NANOS3: variants seen among roughly 807,000 people sequenced by gnomAD.
The protein encoded by NANOS3 is nanos homolog 3.
Under a neutral mutation model 13.8 loss-of-function variants are expected in NANOS3, and 11 were observed. The observed-to-expected ratio is 0.80, with a 90% confidence interval of 0.50 to 1.32. NANOS3 has a LOEUF of 1.32. Among genes scored for constraint, NANOS3 ranks in the 40% most tolerant of loss-of-function variants. NANOS3 has a pLI of 0.00. For synonymous variants in NANOS3, 119 were observed against 115.4 expected, an observed-to-expected ratio of 1.03 and a Z score of -0.20; for missense variants, 221 against 263.8, an observed-to-expected ratio of 0.84 and a Z score of 1.12.
chr19:13,875,262 C>T (rs532089220), upstream of NANOS3, among the ~76,000 whole-genome samples: 1 of 151,692 alleles, frequency 6.6e-6, no homozygotes, highest in Non-Finnish European at 1.5e-5. Flanking sequence ...TCTCAGCTCA[C>T]TGCAACCTCT....
At chr19:13,863,520 C>T (rs1032129871), upstream of NANOS3, among the ~76,000 whole-genome samples, 9 of 152,124 alleles carry the variant, frequency 5.9e-5, no homozygotes, top group Admixed American at 5.9e-4. Flanking sequence ...GCCCGGCCCC[C>T]CTTGCCTCTT....
chr19:13,880,481 G>A lies in NANOS3; in HGVS notation c.557G>A (p.Cys186Tyr). The A allele has an allele frequency of 2.5e-6, 4 of 1,613,950 alleles. No individual in the cohort carries two copies. The highest frequency in any genetic ancestry group is 8.5e-7 in the Non-Finnish European group (1 of 1,179,882). Residue 186 changes from cysteine to tyrosine, a missense_variant, in exon 2 of 2, where the codon TGC (cysteine) becomes TAC (tyrosine). Physicochemically the swap from Cys to Tyr is radical, Grantham distance 194. Around this residue, in one of 3 missense-constraint regions of NANOS3, gnomAD observed 60 missense variants for 56.5 expected, o/e 1.06. Coordinates refer to ENST00000339133, the MANE Select transcript of NANOS3 (RefSeq NM_001098622.3). ...GAGKSEPSPS[C>Y]SPSMST ...GGGAAGTCTGAGCCTTCGCCCTCCT[G>A]CTCTCCCTCCATGTCCACCTAGGAG...
chr19:13,871,599 G>A (rs1976328214), intron 1 of NANOS3, among the ~76,000 whole-genome samples: 1 of 152,166 alleles, frequency 6.6e-6, no homozygotes, highest in African/African-American at 2.4e-5. Context: ...AGGGAGGAGT[G>A]GGAGGCAGAA....
At chr19:13,869,230 T>TCAA (rs1976287487) in intron 1 of NANOS3, among the ~76,000 whole-genome samples, 1 of 152,134 alleles carries the variant, frequency 6.6e-6, no homozygotes, top group Admixed American at 6.5e-5. Context: ...CCCAGGCTGA[T>TCAA]CTTGAACTCC....
chr19:13,866,789 A>G (rs544009147), intron 1 of NANOS3, among the ~76,000 whole-genome samples: 1 of 152,166 alleles, frequency 6.6e-6, no homozygotes, highest in Non-Finnish European at 1.5e-5. Context: ...ATCGTTCACA[A>G]TACCTGGGAC....
chr19:13,868,933 G>A (rs1029602302), intron 1 of NANOS3, among the ~76,000 whole-genome samples: 40 of 151,684 alleles, frequency 2.6e-4, no homozygotes, highest in African/African-American at 9.4e-4. Flanking sequence ...ACACACACAC[G>A]CACACACACA....
chr19:13,870,097 C>T (rs960638781), intron 1 of NANOS3, among the ~76,000 whole-genome samples: 1 of 151,788 alleles, frequency 6.6e-6, no homozygotes, highest in Non-Finnish European at 1.5e-5. Flanking sequence ...GTAGCCTGGG[C>T]TGGAGTGCAG....
chr19:13,868,276 C>T (rs1976272470), intron 1 of NANOS3, among the ~76,000 whole-genome samples: 1 of 151,874 alleles, frequency 6.6e-6, no homozygotes. Context: ...CCAGGCTAGT[C>T]TTGAACTCCT....
chr19:13,877,665 C>T lies in NANOS3; in HGVS notation c.417C>T (p.Tyr139=). ...PLTGQGYTSV[Y]SHTTRNSAGK... is the part of the protein sequence containing the mutation. ...CTGGCCAGGGCTACACCTCCGTCTA[C>T]AGCCACACCACCCGAAACTCGGCAG... The change falls in exon 1 of 2, where the codon TAC becomes TAT. Residue 139 remains tyrosine (Y), a synonymous_variant. Transcript: ENST00000339133. The T allele has an allele frequency of 1.9e-6, 3 of 1,612,218 alleles. No individual in the cohort carries two copies. The highest frequency in any genetic ancestry group is 1.7e-6 in the Non-Finnish European group (2 of 1,179,940).
chr19:13,875,022 AC>A, upstream of NANOS3: 4 of 443,018 alleles, frequency 9.0e-6, no homozygotes, highest in East Asian at 5.7e-5. Context: ...TGGGGACAGG[AC>A]CCCCCACCGC....
intron 1 of NANOS3, among the ~76,000 whole-genome samples, chr19:13,866,922 AAC>A (rs1171755558): frequency 6.6e-6 from 1 of 152,060 alleles, no homozygotes; most frequent in Admixed American, 6.6e-5. Flanking sequence ...GGCCTGCAGA[AAC>A]ACATCTGACA....
upstream of NANOS3, among the ~76,000 whole-genome samples, chr19:13,864,001 C>G (rs1417338860): frequency 1.3e-5 from 2 of 152,122 alleles, no homozygotes; most frequent in African/African-American, 4.8e-5. Flanking sequence ...CTCCATCCCC[C>G]TCTCAGACTG....
chr19:13,862,138 C>G (rs567772864), upstream of NANOS3: 28 of 152,542 alleles, frequency 1.8e-4, no homozygotes, highest in African/African-American at 6.5e-4. Context: ...GCAGAGGCCG[C>G]CCGCCCCGGC....
At chr19:13,871,505 C>A (rs1599300628) in intron 1 of NANOS3, among the ~76,000 whole-genome samples, 1 of 152,232 alleles carries the variant, frequency 6.6e-6, no homozygotes, top group Non-Finnish European at 1.5e-5. Context: ...CCAGACCCCT[C>A]TTCCACTGTG....
At chr19:13,868,940 C>T (rs1976283372) in intron 1 of NANOS3, among the ~76,000 whole-genome samples, 1 of 152,118 alleles carries the variant, frequency 6.6e-6, no homozygotes, top group Non-Finnish European at 1.5e-5. Context: ...CACGCACACA[C>T]ACAGCTGGTG....
At chr19:13,865,933 C>G (rs991636470) in intron 1 of NANOS3, among the ~76,000 whole-genome samples, 2 of 151,868 alleles carry the variant, frequency 1.3e-5, no homozygotes, top group African/African-American at 4.8e-5. Flanking sequence ...GCCCGGCGCG[C>G]GCGCGTTCGT....
chr19:13,879,012 G>A (rs776357834), intron 1 of NANOS3, among the ~76,000 whole-genome samples: 2 of 150,774 alleles, frequency 1.3e-5, no homozygotes, highest in African/African-American at 2.4e-5. Context: ...CGCGATCTTG[G>A]CTCACTGCAA....
chr19:13,862,171 G>A (rs1024632783), upstream of NANOS3: 7 of 152,594 alleles, frequency 4.6e-5, no homozygotes, highest in African/African-American at 1.4e-4. Context: ...GCAAGAAGGA[G>A]AGTTAGACGT....
upstream of NANOS3, among the ~76,000 whole-genome samples, chr19:13,863,071 G>A (rs1384188016): frequency 6.6e-6 from 1 of 152,246 alleles, no homozygotes; most frequent in Non-Finnish European, 1.5e-5. Context: ...GGTTGCTCTG[G>A]TCTGGATGGG....
Sources: gnomAD v4.1 joint callset for allele counts (sites outside exome capture counted in the v4.1 genomes callset) on GRCh38, gnomAD v4.1.1 for gene constraint, gnomAD v4.1.1 regional missense constraint, MANE v1.5 for transcripts, NCBI Gene and HGNC (gene_info 2026-07-23, HGNC 2026-07-21) for gene names.